Variants in SMIM24 observed in about 807,000 individuals in gnomAD.
The protein encoded by SMIM24 is MAP17-related dimer.
A neutral mutation model predicts 10.8 loss-of-function variants in SMIM24; 6 were observed. The observed-to-expected ratio is 0.55, with a 90% confidence interval of 0.30 to 1.09. The LOEUF is 1.09. Among genes scored for constraint, SMIM24 ranks in the 50% least tolerant of loss-of-function variants. SMIM24 has a pLI of 0.06. For synonymous variants in SMIM24, 71 were observed against 62.4 expected, an observed-to-expected ratio of 1.14 and a Z score of -0.65; for missense variants, 151 against 153.4, an observed-to-expected ratio of 0.98 and a Z score of 0.08.
At chr19:3,477,185 G>A (rs566505717) in intron 3 of SMIM24, among the ~76,000 whole-genome samples, 39 of 145,362 alleles carry the variant, frequency 2.7e-4, no homozygotes, top group African/African-American at 9.9e-4. Flanking sequence ...AATGGATGGG[G>A]GTGGGTGATG....
Position 3,480,494 on chromosome 19 carries a change from G to A in SMIM24, c.-31C>T, listed in dbSNP as rs1300874420. 6.5e-6 allele frequency: 10 copies of A among 1,546,770 alleles called. No individual in the cohort carries two copies. The highest frequency in any genetic ancestry group is 8.7e-6 in the Non-Finnish European group (10 of 1,144,822). On this transcript the variant is annotated 5_prime_UTR_variant, in exon 1 of 4. Transcript: ENST00000215531. ...TCGAGTGAGCCAGCAGCCAGCCAGC[G>A]GCGGTCCCGGGTCGGCGTCCACAGG...
intron 1 of SMIM24, among the ~76,000 whole-genome samples, chr19:3,479,937 G>C (rs1294052672): frequency 2.3e-5 from 3 of 128,020 alleles, no homozygotes; most frequent in Non-Finnish European, 5.1e-5. Context: ...GGGGCTTATA[G>C]AGGAGGCAGA....
chr19:3,474,864 T>G lies in SMIM24; in HGVS notation c.372A>C (p.Arg124Ser). ...ATCTTCACATGACTGTGCTCTTTGC[T>G]CTCTCATGGTCTCCGGGCTCTTTTT... Reference protein sequence around the residue: ...LEEKEPGDHERAKSTVM With the variant: ...LEEKEPGDHESAKSTVM Residue 124 changes from arginine (R) to serine (S), a missense_variant, in exon 4 of 4, where the codon AGA becomes AGC. Physicochemically the swap from Arg to Ser is moderately radical, Grantham distance 110. Transcript: ENST00000215531. The G allele has an allele frequency of 6.4e-7, 1 of 1,551,448 alleles. No individual in the cohort carries two copies. Among genetic ancestry groups the G allele is most frequent in the South Asian group, 1.2e-5 (1 of 84,046 alleles).
chr19:3,477,312 C>T (rs577077570), intron 3 of SMIM24, among the ~76,000 whole-genome samples: 18 of 63,654 alleles, frequency 2.8e-4, no homozygotes, highest in African/African-American at 5.5e-4. Flanking sequence ...GGATGATAGA[C>T]AGATGGTGGG....
chr19:3,478,737 T>G, intron 2 of SMIM24, 81 bp downstream of exon 2: 1 of 1,059,322 alleles, frequency 9.4e-7, no homozygotes, highest in Non-Finnish European at 1.3e-6. Flanking sequence ...TTGAGGCTGG[T>G]GATGGGGGTA....
intron 3 of SMIM24, 96 bp from the exon 4 acceptor site, chr19:3,475,092 A>T: frequency 7.4e-7 from 1 of 1,346,096 alleles, no homozygotes; most frequent in Non-Finnish European, 1.0e-6. Context: ...TGAGTATTTT[A>T]CAAGCGGTAT....
Position 3,474,582 on chromosome 19 carries a change from C to A in SMIM24, c.*261G>T. On this transcript the variant is annotated 3_prime_UTR_variant, in exon 4 of 4. Transcript: ENST00000215531. ...GATCGTGGAGGATTGCGGGTGTCTCCTCAACCAGGGATGCTCTCCGAGTAT... is the reference window on the plus strand; with the variant it reads ...GATCGTGGAGGATTGCGGGTGTCTCATCAACCAGGGATGCTCTCCGAGTAT... 2.1e-6 allele frequency: 1 copy of A among 476,026 alleles called. No individual in the cohort carries two copies. The highest frequency in any genetic ancestry group is 3.7e-6 in the Non-Finnish European group (1 of 269,118). 29.5% of individuals were successfully genotyped at this position (476,026 alleles called of 1,614,324 possible).
At chr19:3,477,268 G>GTGGC (rs377287037) in intron 3 of SMIM24, among the ~76,000 whole-genome samples, 4 of 74,586 alleles carry the variant, frequency 5.4e-5, no homozygotes, top group Admixed American at 4.7e-4. Flanking sequence ...GGATGGGTGA[G>GTGGC]TGGATGGATG....
intron 1 of SMIM24, among the ~76,000 whole-genome samples, chr19:3,479,430 A>G (rs1467197101): frequency 2.5e-5 from 3 of 122,406 alleles, no homozygotes; most frequent in African/African-American, 6.5e-5. Context: ...CTTACAACAG[A>G]GGAGCTGTTG....
At chr19:3,480,108 C>T (rs115058177) in intron 1 of SMIM24, among the ~76,000 whole-genome samples, 2,400 of 146,684 alleles carry the variant, frequency 0.016, 70 homozygotes, top group African/African-American at 0.058. Flanking sequence ...AAAGGAGGCC[C>T]GAGCTCAGAG....
chr19:3,477,263 GGTGA>G (rs1457807842), intron 3 of SMIM24, among the ~76,000 whole-genome samples: 281 of 106,742 alleles, frequency 2.6e-3, no homozygotes, highest in Non-Finnish European at 4.1e-3. Context: ...TTGGGGGATG[GGTGA>G]GTGGATGGAT....
intron 3 of SMIM24, among the ~76,000 whole-genome samples, chr19:3,475,384 G>C (rs1486674750): frequency 6.6e-6 from 1 of 152,188 alleles, no homozygotes; most frequent in Non-Finnish European, 1.5e-5. Context: ...ATGGATAGGT[G>C]GGTAGGTGTG....
rs2082786782 is a variant in SMIM24, at chr19:3,474,948, CCTCTT to C, written c.283_287del (p.Lys95GlufsTer27). On this transcript the variant is annotated frameshift_variant, in exon 4 of 4. Coordinates refer to ENST00000215531, the MANE Select transcript of SMIM24 (RefSeq NM_001136503.2). LOFTEE classifies it low-confidence loss of function (END_TRUNC). ...CCTTTGCTGTCTTTTTCTCCTTCTT[CCTCTT>C]CTCTTCTTTCTCCTTGGCCTCTTTC... The C allele has an allele frequency of 6.4e-7, 1 of 1,551,640 alleles. No individual in the cohort carries two copies. The highest frequency in any genetic ancestry group is 8.7e-7 in the Non-Finnish European group (1 of 1,146,994).
At chr19:3,475,098 G>A (rs754732838) in intron 3 of SMIM24, 102 bp from the exon 4 acceptor site, 78 of 1,304,224 alleles carry the variant, frequency 6.0e-5, no homozygotes, top group African/African-American at 5.3e-4. Flanking sequence ...TTTTACAAGC[G>A]GTATCTCAGT....
At chr19:3,478,577 T>A in intron 2 of SMIM24, 99 bp from the exon 3 acceptor site, 1 of 1,177,734 alleles carries the variant, frequency 8.5e-7, no homozygotes, top group South Asian at 1.5e-5. Context: ...TGTCCCAACC[T>A]CCCAGCCGGG....
At chr19:3,478,970 G>T (rs1396396076) in intron 1 of SMIM24, 41 bp from the exon 2 acceptor site, 1 of 1,482,286 alleles carries the variant, frequency 6.7e-7, no homozygotes, top group South Asian at 1.2e-5. Flanking sequence ...GGAAGAAAAG[G>T]TCAGAAGACC....
rs551228432 is a variant in SMIM24, at chr19:3,474,718, C to T, written c.*125G>A. Reference sequence around the variant, plus strand: ...TGGGGTGGGTTCCAAGCCTTCTTCACTTGAGAACACTGTATTCTGAATCCC... The same window carrying T: ...TGGGGTGGGTTCCAAGCCTTCTTCATTTGAGAACACTGTATTCTGAATCCC... On this transcript the variant is annotated 3_prime_UTR_variant, in exon 4 of 4. Transcript: ENST00000215531. The T allele has an allele frequency of 2.3e-6, 3 of 1,292,262 alleles. No individual in the cohort carries two copies. In the Admixed American group the frequency reaches 8.5e-5, roughly 37 times the overall value. The allele number at this position is 1,292,262 out of a possible 1,614,324, so 80.0% of individuals were successfully genotyped here.
chr19:3,480,006 G>A (rs939335612), intron 1 of SMIM24, among the ~76,000 whole-genome samples: 24 of 151,008 alleles, frequency 1.6e-4, no homozygotes, highest in Non-Finnish European at 7.4e-5. Context: ...GCTTACAGAG[G>A]AGGAGGGGCT....
rs1488724639 is a variant in SMIM24, at chr19:3,478,925, C to T, written c.72G>A (p.Thr24=). The T allele has an allele frequency of 7.1e-6, 11 of 1,549,396 alleles. No individual in the cohort carries two copies. Among genetic ancestry groups the T allele is most frequent in the Non-Finnish European group, 8.7e-6 (10 of 1,146,496 alleles). Residue 24 remains threonine, a synonymous_variant, in exon 2 of 4, where the codon ACG becomes ACA. Transcript: ENST00000215531. ...CCAGCCACGGCTTCAGGCGATGCTC[C>T]GTGGCTGCAGGAAGTTGGGGAGGTT... ...LLSPVEAQQA[T]EHRLKPWLVG... is the part of the protein sequence containing the mutation.
Sources: allele counts gnomAD v4.1 joint callset (sites outside exome capture counted in the v4.1 genomes callset), GRCh38; gene constraint gnomAD v4.1.1; transcripts MANE v1.5; gene names NCBI Gene and HGNC (gene_info 2026-07-23, HGNC 2026-07-21).